The following NT5DC3 variants were observed in gnomAD, a reference collection of about 807,000 sequenced individuals.
The protein encoded by NT5DC3 is 5'-nucleotidase domain containing 3, also known as 5'-nucleotidase domain-containing protein 3.
Under a neutral mutation model 67.8 loss-of-function variants are expected in NT5DC3, and 42 were observed. That is an observed-to-expected ratio of 0.62 (90% CI 0.48 to 0.80). NT5DC3 has a LOEUF of 0.80. Ranked by LOEUF, NT5DC3 falls within the 30% of genes least tolerant of loss-of-function variation. The pLI is 0.00. For missense variants in NT5DC3, 570 were observed against 696.4 expected, an observed-to-expected ratio of 0.82 and a Z score of 2.04; for synonymous variants, 237 against 255.6, an observed-to-expected ratio of 0.93 and a Z score of 0.69.
rs1886426858 is a variant in NT5DC3, at chr12:103,798,656, A to G, written c.546T>C (p.Asp182=). The G allele has an allele frequency of 6.2e-7, 1 of 1,613,874 alleles. No homozygotes were observed. Among genetic ancestry groups the G allele is most frequent in the Non-Finnish European group, 8.5e-7 (1 of 1,179,708 alleles). Residue 182 remains aspartate, a synonymous_variant, in exon 5 of 14, where the codon GAT becomes GAC. Transcript: ENST00000392876. The stretch of plus-strand genomic sequence containing the variant: ...CCTCGTACATTTCAATGACTTCTTC[A>G]TCAGGGACAACACTGAGGCCTCTGG... ...TVYRGLSVVP[D]EEVIEMYEGS...
At chr12:103,746,660 G>A in the NT5DC3 span, 1 of 1,614,130 alleles carries the variant, frequency 6.2e-7, no homozygotes, top group Non-Finnish European at 8.5e-7. Flanking sequence ...AACAACACGT[G>A]TGAGTGTAAC....
chr12:103,805,579 C>G (rs1316095292), intron 4 of NT5DC3, among the ~76,000 whole-genome samples: 2 of 152,134 alleles, frequency 1.3e-5, no homozygotes, highest in Non-Finnish European at 2.9e-5. Flanking sequence ...GGCGTGGTGA[C>G]TCATGCCTGT....
At chr12:103,767,173 AAAC>A (rs1206719263), downstream of NT5DC3, among the ~76,000 whole-genome samples, 2 of 152,244 alleles carry the variant, frequency 1.3e-5, no homozygotes, top group African/African-American at 4.8e-5. Flanking sequence ...AAAAAAATGG[AAAC>A]AACTCGAATG....
chr12:103,829,757 A>G (rs1041643693), intron 1 of NT5DC3, among the ~76,000 whole-genome samples: 2 of 152,050 alleles, frequency 1.3e-5, no homozygotes, highest in African/African-American at 4.8e-5. Flanking sequence ...CATCTCTACC[A>G]ATTTCTTTTT....
At chr12:103,786,529 C>CAA (rs1885782695) in intron 11 of NT5DC3, among the ~76,000 whole-genome samples, 1 of 151,710 alleles carries the variant, frequency 6.6e-6, no homozygotes, top group South Asian at 2.1e-4. Flanking sequence ...GGCTTTTACT[C>CAA]AGAGAGAAAG....
At chr12:103,748,584 CCACACA>C in the NT5DC3 span, among the ~76,000 whole-genome samples, 4 of 141,852 alleles carry the variant, frequency 2.8e-5, no homozygotes, top group South Asian at 4.6e-4. Context: ...TAACTCTACA[CCACACA>C]CACACACACA....
intron 4 of NT5DC3, among the ~76,000 whole-genome samples, chr12:103,799,284 T>C (rs1886456906): frequency 6.6e-6 from 1 of 152,150 alleles, no homozygotes; most frequent in Non-Finnish European, 1.5e-5. Flanking sequence ...TTTGGCTGCG[T>C]CCCCACCTAA....
chr12:103,788,735 G>C, intron 10 of NT5DC3, 103 bp downstream of exon 10: 1 of 791,440 alleles, frequency 1.3e-6, no homozygotes, highest in African/African-American at 1.7e-5. Context: ...GAATCACTCA[G>C]AACTGTGCCA....
In NT5DC3 at chr12:103,772,444, C is replaced by T. The variant is rs1164170233; in HGVS notation, c.*5385G>A. The T allele has an allele frequency of 1.3e-5, 2 of 152,448 alleles. No homozygotes were observed. Among genetic ancestry groups the T allele is most frequent in the East Asian group, 3.8e-4 (2 of 5,200 alleles). 9.4% of individuals were successfully genotyped at this position (152,448 alleles called of 1,614,324 possible). On this transcript the variant is annotated 3_prime_UTR_variant, in exon 14 of 14. Coordinates refer to ENST00000392876, the MANE Select transcript of NT5DC3 (RefSeq NM_001031701.3). ...TGCATTAATTGTGCCTGATATCATA[C>T]AGGCACAATCTGTCATTCCACGAGA...
intron 1 of NT5DC3, among the ~76,000 whole-genome samples, chr12:103,820,020 C>T (rs542411268): frequency 5.3e-5 from 8 of 152,206 alleles, no homozygotes; most frequent in Non-Finnish European, 1.0e-4. Context: ...GAAGTGGAGT[C>T]ATATGGTCTT....
At chr12:103,839,940 C>T (rs1410649203) in intron 1 of NT5DC3, among the ~76,000 whole-genome samples, 16 of 152,194 alleles carry the variant, frequency 1.1e-4, no homozygotes, top group Non-Finnish European at 1.8e-4. Context: ...TATCTATGTG[C>T]CACCTCCACA....
intron 11 of NT5DC3, chr12:103,785,751 TAAAAAAAAAAAA>T (rs201632707): frequency 0.18 from 65,017 of 360,792 alleles, 2,746 homozygotes; most frequent in Middle Eastern, 0.26. Flanking sequence ...CCATGGTCTG[TAAAAAAAAAAAA>T]AAAAAAAAAA....
rs1180932524 is a variant in NT5DC3 at position 103,774,701 on chromosome 12, A to AAAAAGAG, written c.*3121_*3127dup. 6.6e-6 allele frequency: 1 copy of AAAAAGAG among 151,256 alleles called. No homozygotes were observed. Among genetic ancestry groups the AAAAAGAG allele is most frequent in the East Asian group, 1.9e-4 (1 of 5,166 alleles). The allele number at this position is 151,256 out of a possible 1,614,324, so 9.4% of individuals were successfully genotyped here. Reference sequence around the variant, plus strand: ...CTAAATCTCAAAAAAAAAAAAAAAAAAAAAGAGAAAAGAGTCATGACGAGG... The same window carrying AAAAAGAG: ...CTAAATCTCAAAAAAAAAAAAAAAAAAAAAGAGAAAAGAGAAAAGAGTCATGACGAGG... On this transcript the variant is annotated 3_prime_UTR_variant, in exon 14 of 14. Transcript: ENST00000392876.
At chr12:103,756,996 AATATATATAT>A in the NT5DC3 span, among the ~76,000 whole-genome samples, 17 of 56,358 alleles carry the variant, frequency 3.0e-4, no homozygotes, top group East Asian at 1.5e-3. Flanking sequence ...AAGGAGGGAA[AATATATATAT>A]ATATATATAT....
the NT5DC3 span, chr12:103,746,555 C>T: frequency 6.3e-7 from 1 of 1,595,180 alleles, no homozygotes; most frequent in Non-Finnish European, 8.6e-7. Flanking sequence ...TTTAACTCTT[C>T]ACACCATGGG....
chr12:103,803,869 CA>C (rs58966670), intron 4 of NT5DC3, among the ~76,000 whole-genome samples: 14,611 of 98,348 alleles, frequency 0.15, 873 homozygotes, highest in East Asian at 0.54. Flanking sequence ...ACCCCCCCCC[CA>C]AAAAAATGTG....
chr12:103,834,615 T>C (rs1490954007), intron 1 of NT5DC3, among the ~76,000 whole-genome samples: 1 of 152,198 alleles, frequency 6.6e-6, no homozygotes, highest in East Asian at 1.9e-4. Flanking sequence ...TGTGAGAGAT[T>C]AATAAGAGAA....
downstream of NT5DC3, among the ~76,000 whole-genome samples, chr12:103,767,181 C>T (rs891019345): frequency 2.0e-5 from 3 of 152,146 alleles, no homozygotes; most frequent in Admixed American, 6.5e-5. Flanking sequence ...GGAAACAACT[C>T]GAATGTCCAT....
rs140771007 is a variant in NT5DC3 at position 103,783,968 on chromosome 12, C to T, written c.1329+1367G>A. Among the ~76,000 whole-genome samples the T allele has an allele frequency of 5.7e-3, 866 of 152,278 alleles. 13 individuals carry two copies. The highest frequency in any genetic ancestry group is 0.019 in the African/African-American group (808 of 41,552). ...GGCACATTAGAGCAGTGCTCTGAAGCATGGACTTGGGGACTTGGTTCAAGC... is the reference window on the plus strand; with the variant it reads ...GGCACATTAGAGCAGTGCTCTGAAGTATGGACTTGGGGACTTGGTTCAAGC... On this transcript the variant is annotated intron_variant, in intron 12 of 13. Coordinates refer to ENST00000392876, the MANE Select transcript of NT5DC3 (RefSeq NM_001031701.3).
Sources: gnomAD v4.1 joint callset for allele counts (sites outside exome capture counted in the v4.1 genomes callset) on GRCh38, gnomAD v4.1.1 for gene constraint, MANE v1.5 for transcripts, NCBI Gene and HGNC (gene_info 2026-07-23, HGNC 2026-07-21) for gene names.